NDRG2: variants seen among roughly 807,000 people sequenced by gnomAD.
NDRG2 encodes the protein protein NDRG2.
In NDRG2, 34 loss-of-function variants were observed where a neutral mutation model predicts 58.2. The ratio of observed to expected loss-of-function variants is 0.58; its 90% CI spans 0.44 to 0.78. The LOEUF (loss-of-function observed/expected upper bound fraction) is 0.78, where lower values mean the gene tolerates loss of function less well. Ranked by LOEUF, NDRG2 falls within the 30% of genes least tolerant of loss-of-function variation. The pLI, the probability that NDRG2 is intolerant of heterozygous loss-of-function variation, is 0.00. For missense variants in NDRG2, 434 were observed against 471.2 expected (o/e 0.92, Z 0.73); for synonymous variants, 187 against 175.9 (o/e 1.06, Z -0.50).
chr14:21,051,493 C>T (rs1885465843), intron 1 of NDRG2, among the ~76,000 whole-genome samples: 1 of 152,174 alleles, frequency 6.6e-6, no homozygotes, highest in South Asian at 2.1e-4. Flanking sequence ...AGCCATATGC[C>T]TCAGCTCTGG....
intron 11 of NDRG2, 145 bp downstream of exon 11, chr14:21,018,971 C>T: frequency 8.0e-7 from 1 of 1,250,400 alleles, no homozygotes; most frequent in Non-Finnish European, 1.1e-6. Flanking sequence ...AGGGGGAAGA[C>T]CTAGAGGGAA....
chr14:21,034,115 A>G (rs1884449848), intron 1 of NDRG2: 2 of 1,614,086 alleles, frequency 1.2e-6, no homozygotes, highest in African/African-American at 1.3e-5. Context: ...TGCCTCGCAT[A>G]TAGGACATCA....
At chr14:21,047,161 T>C (rs1885215792) in intron 1 of NDRG2, among the ~76,000 whole-genome samples, 2 of 152,308 alleles carry the variant, frequency 1.3e-5, no homozygotes, top group Admixed American at 6.5e-5. Flanking sequence ...TTGTTTCATA[T>C]ATAAGCTTTC....
chr14:21,060,400 C>T (rs1396042519), intron 1 of NDRG2, among the ~76,000 whole-genome samples: 1 of 152,172 alleles, frequency 6.6e-6, no homozygotes, highest in Non-Finnish European at 1.5e-5. Flanking sequence ...GGAAGTGAGA[C>T]AGAAGCAGCA....
rs1019615309 is a variant in NDRG2, at chr14:21,017,097, A to G, written c.*499T>C. On this transcript the variant is annotated 3_prime_UTR_variant, in exon 16 of 16. Transcript: ENST00000556147. ...TTCTATCACATCCTGAGGACCACTA[A>G]CCCACCAGCAAGTCTCCCCCTGACA... 6.9e-6 allele frequency: 3 copies of G among 435,284 alleles called. No individual in the cohort carries two copies. Among genetic ancestry groups the G allele is most frequent in the Non-Finnish European group, 9.4e-6 (2 of 213,538 alleles). The allele number at this position is 435,284 out of a possible 1,614,324, so 27.0% of individuals were successfully genotyped here.
chr14:21,026,292 C>T (rs1341087732), upstream of NDRG2, among the ~76,000 whole-genome samples: 2 of 152,004 alleles, frequency 1.3e-5, no homozygotes, highest in Non-Finnish European at 2.9e-5. Context: ...CTGAATTTCT[C>T]CCCACCTGCC....
chr14:21,034,885 C>T (rs1884516584), intron 1 of NDRG2: 1 of 152,840 alleles, frequency 6.5e-6, no homozygotes, highest in Non-Finnish European at 1.5e-5. Context: ...GTCTCCTCCT[C>T]TACAGTGTCA....
intron 12 of NDRG2, 74 bp from the exon 13 acceptor site, chr14:21,018,578 C>A: frequency 6.3e-7 from 1 of 1,577,036 alleles, no homozygotes. Flanking sequence ...ACCCAGGAAC[C>A]CAGACCCCAG....
rs1171332473 is a variant in NDRG2, at chr14:21,067,980, C to CTTTT, written c.24+2844_24+2847dup. Among the ~76,000 whole-genome samples, 2 of 22,284 alleles carry CTTTT rather than the reference C, an allele frequency of 9.0e-5. 1 individual carries two copies. Among genetic ancestry groups the CTTTT allele is most frequent in the Non-Finnish European group, 2.5e-4 (2 of 8,104 alleles). The allele number at this position is 22,284 out of a possible 152,430, so 14.6% of individuals were successfully genotyped here. Reference sequence around the variant, plus strand: ...AGCTCAAAAACTTTCAGTGGCTCCCCTTTTTTTTTTTTTTTTTTTTTTTTT... The same window carrying CTTTT: ...AGCTCAAAAACTTTCAGTGGCTCCCCTTTTTTTTTTTTTTTTTTTTTTTTTTTTT... On this transcript the variant is annotated intron_variant, in intron 1 of 14. Coordinates refer to the NDRG2 transcript ENST00000403829.
intron 1 of NDRG2, chr14:21,032,929 T>A: frequency 2.2e-6 from 1 of 455,938 alleles, no homozygotes; most frequent in Non-Finnish European, 4.4e-6. Context: ...AATGGTTACA[T>A]CTTACATACT....
At chr14:21,058,998 A>C (rs1032313495) in intron 1 of NDRG2, among the ~76,000 whole-genome samples, 2 of 152,242 alleles carry the variant, frequency 1.3e-5, no homozygotes, top group African/African-American at 4.8e-5. Flanking sequence ...CACCCTGAGC[A>C]GGCACAGTCT....
At chr14:21,029,610 G>A (rs549558392), upstream of NDRG2, among the ~76,000 whole-genome samples, 9 of 152,114 alleles carry the variant, frequency 5.9e-5, no homozygotes, top group South Asian at 2.1e-4. Context: ...AAATAAATAC[G>A]CAAATAAATA....
At chr14:21,058,353 T>G in intron 1 of NDRG2, 1 of 1,602,674 alleles carries the variant, frequency 6.2e-7, no homozygotes, top group Non-Finnish European at 8.5e-7. Context: ...GATAAAGTTG[T>G]CTAAGCCCTG....
intron 1 of NDRG2, chr14:21,043,171 A>C (rs1355876979): frequency 6.2e-7 from 1 of 1,614,086 alleles, no homozygotes; most frequent in African/African-American, 1.3e-5. Context: ...AACATTAACA[A>C]GCACACAAAA....
intron 1 of NDRG2, among the ~76,000 whole-genome samples, chr14:21,067,761 T>TACACACACAC (rs3061993): frequency 1.8e-4 from 27 of 150,126 alleles, no homozygotes; most frequent in East Asian, 1.8e-3. Context: ...TGTACACACG[T>TACACACACAC]ACACACACAC....
chr14:21,024,858 G>T lies in NDRG2; in HGVS notation c.-835C>A. The T allele has an allele frequency of 2.0e-6, 2 of 985,652 alleles. No individual in the cohort carries two copies. The highest frequency in any genetic ancestry group is 2.4e-6 in the Non-Finnish European group (2 of 830,130). 61.1% of individuals were successfully genotyped at this position (985,652 alleles called of 1,614,324 possible). ...ACAACCTCGCGCGCACCCCAAACAC[G>T]CCCTGCAGCTCTTGGAGCCTCAGCC... On this transcript the variant is annotated 5_prime_UTR_variant, in exon 1 of 16. Coordinates refer to ENST00000556147, the MANE Select transcript of NDRG2 (RefSeq NM_001320329.2).
At chr14:21,038,111 T>G (rs1199095423) in intron 1 of NDRG2, among the ~76,000 whole-genome samples, 1 of 152,168 alleles carries the variant, frequency 6.6e-6, no homozygotes, top group Non-Finnish European at 1.5e-5. Context: ...CATCTCAACC[T>G]TCTTCTCATA....
chr14:21,058,342 G>A, intron 1 of NDRG2: 1 of 1,608,222 alleles, frequency 6.2e-7, no homozygotes, highest in Non-Finnish European at 8.5e-7. Context: ...CTGTGCACTT[G>A]GATAAAGTTG....
At chr14:21,068,798 GC>G (rs971955791) in intron 1 of NDRG2, among the ~76,000 whole-genome samples, 1 of 152,342 alleles carries the variant, frequency 6.6e-6, no homozygotes, top group Admixed American at 6.5e-5. Flanking sequence ...GACGCATGGA[GC>G]AGAGGCCTCT....
Sources: allele counts gnomAD v4.1 joint callset (sites outside exome capture counted in the v4.1 genomes callset), GRCh38; gene constraint gnomAD v4.1.1; transcripts MANE v1.5; gene names NCBI Gene and HGNC (gene_info 2026-07-23, HGNC 2026-07-21).